Variants in PRKAR2A observed in about 807,000 individuals in gnomAD.
The protein encoded by PRKAR2A is cAMP-dependent protein kinase type II-alpha regulatory subunit.
In PRKAR2A, 29 loss-of-function variants were observed where a neutral mutation model predicts 51.9. The ratio of observed to expected loss-of-function variants is 0.56; its 90% CI spans 0.42 to 0.76. The LOEUF is 0.76. Ranked by LOEUF, PRKAR2A falls within the 30% of genes least tolerant of loss-of-function variation. The pLI, the probability that PRKAR2A is intolerant of heterozygous loss-of-function variation, is 0.00. For missense variants in PRKAR2A, 445 were observed against 512.1 expected (o/e 0.87, Z 1.26); for synonymous variants, 178 against 186.2 (o/e 0.96, Z 0.36).
In PRKAR2A at chr3:48,790,654, A is replaced by G. The variant is rs773911011; in HGVS notation, c.352-27T>C. The G allele has an allele frequency of 5.9e-6, 8 of 1,359,756 alleles. No individual in the cohort carries two copies. In the Admixed American group the frequency reaches 2.1e-4, roughly 36 times the overall value. 84.2% of individuals were successfully genotyped at this position (1,359,756 alleles called of 1,614,324 possible). A position where few individuals can be genotyped will look rare whatever the true frequency, so the allele number is the denominator to read the frequency against. ...TGCCAATCCAAATAAAACCATGGAAACTGTTTTATTCCATTTTAAAATAAC... is the reference window on the plus strand; with the variant it reads ...TGCCAATCCAAATAAAACCATGGAAGCTGTTTTATTCCATTTTAAAATAAC... On this transcript the variant is annotated intron_variant, in intron 3 of 10. Transcript: ENST00000265563.
chr3:48,768,500 C>G (rs1478397826), intron 6 of PRKAR2A, among the ~76,000 whole-genome samples: 1 of 151,622 alleles, frequency 6.6e-6, no homozygotes, highest in Non-Finnish European at 1.5e-5. Flanking sequence ...GAGTTCGAGA[C>G]CAGCCTGGCC....
intron 1 of PRKAR2A, among the ~76,000 whole-genome samples, chr3:48,821,527 C>T (rs958636798): frequency 6.6e-6 from 1 of 152,156 alleles, no homozygotes; most frequent in African/African-American, 2.4e-5. Flanking sequence ...AATGATTAAA[C>T]AACCAATTAC....
At chr3:48,752,726 TCTCA>T (rs912241278) in intron 9 of PRKAR2A, among the ~76,000 whole-genome samples, 1 of 151,296 alleles carries the variant, frequency 6.6e-6, no homozygotes, top group African/African-American at 2.4e-5. Flanking sequence ...AGAGACAGGG[TCTCA>T]CTCTGTCACC....
intron 6 of PRKAR2A, 147 bp from the exon 7 acceptor site, chr3:48,765,496 C>T (rs1419164678): frequency 3.1e-6 from 2 of 643,966 alleles, no homozygotes; most frequent in Non-Finnish European, 5.2e-6. Flanking sequence ...TGAGTCATCA[C>T]TGGAAGTAAA....
chr3:48,793,888 T>G, intron 3 of PRKAR2A, 109 bp downstream of exon 3: 1 of 902,266 alleles, frequency 1.1e-6, no homozygotes, highest in Non-Finnish European at 1.8e-6. Flanking sequence ...ACTTCAGTGA[T>G]ATTTTAATTT....
chr3:48,759,064 A>C (rs2081822144), intron 8 of PRKAR2A, among the ~76,000 whole-genome samples: 1 of 152,244 alleles, frequency 6.6e-6, no homozygotes, highest in African/African-American at 2.4e-5. Context: ...GATTATGATA[A>C]TGTGAAACAA....
At chr3:48,795,575 C>T (rs1003760917) in intron 2 of PRKAR2A, among the ~76,000 whole-genome samples, 17 of 152,278 alleles carry the variant, frequency 1.1e-4, no homozygotes, top group African/African-American at 3.8e-4. Context: ...CTCGTTCCTT[C>T]GCTCAGGTTG....
chr3:48,767,720 C>T (rs555820391), intron 6 of PRKAR2A, among the ~76,000 whole-genome samples: 31 of 151,608 alleles, frequency 2.0e-4, no homozygotes, highest in Non-Finnish European at 3.4e-4. Context: ...GTCAGGAGAT[C>T]GAGACCATCC....
intron 3 of PRKAR2A, among the ~76,000 whole-genome samples, chr3:48,792,056 G>A: frequency 6.6e-6 from 1 of 151,780 alleles, no homozygotes; most frequent in Non-Finnish European, 1.5e-5. Context: ...AAAAATGGTA[G>A]CGTTTATTAG....
intron 1 of PRKAR2A, among the ~76,000 whole-genome samples, chr3:48,841,959 G>A (rs935207540): frequency 2.6e-5 from 4 of 152,052 alleles, no homozygotes; most frequent in Admixed American, 6.6e-5. Context: ...AAAGAATGAC[G>A]ATATAATACA....
chr3:48,786,760 G>A (rs1199154115), intron 4 of PRKAR2A, among the ~76,000 whole-genome samples: 4 of 152,108 alleles, frequency 2.6e-5, no homozygotes, highest in East Asian at 1.9e-4. Flanking sequence ...CCAAGTATTC[G>A]CTAACAGAAA....
chr3:48,838,607 TA>T (rs34585229), intron 1 of PRKAR2A, among the ~76,000 whole-genome samples: 96,997 of 145,008 alleles, frequency 0.67, 32,346 homozygotes, highest in East Asian at 0.96. Flanking sequence ...ACTCCATCTT[TA>T]AAAAAAAAAA....
At chr3:48,822,065 G>A (rs11709246) in intron 1 of PRKAR2A, among the ~76,000 whole-genome samples, 11,508 of 151,798 alleles carry the variant, frequency 0.076, 570 homozygotes, top group Middle Eastern at 0.11. Flanking sequence ...CTCTAATATA[G>A]CTGGACATGG....
At chr3:48,769,140 AAAC>A (rs1181566304) in intron 6 of PRKAR2A, among the ~76,000 whole-genome samples, 3 of 146,028 alleles carry the variant, frequency 2.1e-5, no homozygotes, top group African/African-American at 7.6e-5. Context: ...ACTAAAGAGA[AAAC>A]AACAAATATC....
intron 1 of PRKAR2A, among the ~76,000 whole-genome samples, chr3:48,814,366 C>G (rs1481711686): frequency 1.3e-5 from 2 of 151,806 alleles, no homozygotes; most frequent in South Asian, 2.1e-4. Context: ...TTCAGTGAGC[C>G]AAGATTTTGC....
intron 4 of PRKAR2A, among the ~76,000 whole-genome samples, chr3:48,784,815 T>C (rs1032759854): frequency 1.3e-5 from 2 of 152,012 alleles, no homozygotes; most frequent in South Asian, 2.1e-4. Flanking sequence ...ATAACACTGA[T>C]GAGGGGAAAA....
intron 8 of PRKAR2A, among the ~76,000 whole-genome samples, chr3:48,758,402 C>A (rs956845104): frequency 7.9e-5 from 12 of 151,206 alleles, no homozygotes; most frequent in African/African-American, 2.9e-4. Flanking sequence ...AACATGGCGG[C>A]GAAACCCCAT....
At chr3:48,837,602 T>A (rs533178970) in intron 1 of PRKAR2A, among the ~76,000 whole-genome samples, 4 of 152,092 alleles carry the variant, frequency 2.6e-5, no homozygotes, top group African/African-American at 9.7e-5. Flanking sequence ...CTATGAGAAA[T>A]GAAAACAGCT....
At chr3:48,813,799 A>C (rs1048343072) in intron 1 of PRKAR2A, among the ~76,000 whole-genome samples, 2 of 152,162 alleles carry the variant, frequency 1.3e-5, no homozygotes, top group African/African-American at 2.4e-5. Context: ...AGCCATGTTA[A>C]AGATCCTAAG....
Sources: gnomAD v4.1 joint callset for allele counts (sites outside exome capture counted in the v4.1 genomes callset) on GRCh38, gnomAD v4.1.1 for gene constraint, MANE v1.5 for transcripts, NCBI Gene and HGNC (gene_info 2026-07-23, HGNC 2026-07-21) for gene names.